Variants in PDZRN3 observed in about 807,000 individuals in gnomAD.
PDZRN3 encodes PDZ domain containing ring finger 3.
Under a neutral mutation model 85.7 loss-of-function variants are expected in PDZRN3, and 38 were observed. The observed-to-expected ratio is 0.44, with a 90% CI of 0.34 to 0.58. The LOEUF (loss-of-function observed/expected upper bound fraction) is 0.58, where lower values mean the gene tolerates loss of function less well. Ranked by LOEUF, PDZRN3 falls within the 20% of genes least tolerant of loss-of-function variation. PDZRN3 has a pLI of 0.01. For synonymous variants in PDZRN3, 759 were observed against 638.0 expected, an observed-to-expected ratio of 1.19 and a Z score of -2.86; for missense variants, 1,629 against 1,506.4, an observed-to-expected ratio of 1.08 and a Z score of -1.35.
intron 3 of PDZRN3, chr3:73,569,426 TCCA>T: frequency 8.7e-7 from 1 of 1,151,504 alleles, no homozygotes; most frequent in African/African-American, 1.6e-5. Context: ...TCCTGTCTCT[TCCA>T]TGTCACGTTC....
chr3:73,429,165 C>T (rs1702380466), intron 3 of PDZRN3, among the ~76,000 whole-genome samples: 1 of 152,160 alleles, frequency 6.6e-6, no homozygotes, highest in Non-Finnish European at 1.5e-5. Flanking sequence ...CCCACCTCAG[C>T]CTCCCAAAGT....
chr3:73,552,261 C>T (rs1479457681), intron 3 of PDZRN3, among the ~76,000 whole-genome samples: 1 of 135,826 alleles, frequency 7.4e-6, no homozygotes, highest in Non-Finnish European at 1.6e-5. Context: ...TGTGTGTGTA[C>T]CCAAACACCT....
chr3:73,534,548 G>A (rs1006867898), intron 3 of PDZRN3, among the ~76,000 whole-genome samples: 2 of 152,140 alleles, frequency 1.3e-5, no homozygotes, highest in Non-Finnish European at 2.9e-5. Flanking sequence ...TGAAATGCTT[G>A]TAGAAAGGAA....
chr3:73,443,383 C>T (rs913413706), intron 3 of PDZRN3, among the ~76,000 whole-genome samples: 9 of 152,048 alleles, frequency 5.9e-5, no homozygotes, highest in Non-Finnish European at 1.2e-4. Flanking sequence ...CTTCCCACTT[C>T]CATATTTGTG....
At chr3:73,597,446 T>C (rs950776873) in intron 3 of PDZRN3, among the ~76,000 whole-genome samples, 1 of 152,182 alleles carries the variant, frequency 6.6e-6, no homozygotes. Context: ...TACAGAAGAT[T>C]GTACGAAATA....
chr3:73,617,504 G>A (rs1015728976), intron 1 of PDZRN3, among the ~76,000 whole-genome samples: 1 of 152,138 alleles, frequency 6.6e-6, no homozygotes, highest in African/African-American at 2.4e-5. Context: ...GGTTAAAGCT[G>A]CTCAGTTTTA....
At chr3:73,389,935 CAGCACTTTCAAAACCATTTCTAA>C (rs1214802946) in intron 6 of PDZRN3, 57 bp from the exon 7 acceptor site, 39 of 1,240,980 alleles carry the variant, frequency 3.1e-5, no homozygotes, top group Non-Finnish European at 1.7e-5. Context: ...AAATAAGCAA[CAGCACTTTCAAAACCATTTCTAA>C]AACACAGTCA....
At chr3:73,545,145 C>A (rs937950198) in intron 3 of PDZRN3, among the ~76,000 whole-genome samples, 3 of 152,178 alleles carry the variant, frequency 2.0e-5, no homozygotes, top group Non-Finnish European at 4.4e-5. Flanking sequence ...GGGTGCCAAG[C>A]GCCTGGCGTC....
chr3:73,596,282 G>A (rs1037680461), intron 3 of PDZRN3, among the ~76,000 whole-genome samples: 33 of 152,056 alleles, frequency 2.2e-4, no homozygotes, highest in African/African-American at 4.1e-4. Context: ...TTCTTATAGC[G>A]GAAAGTCAAC....
chr3:73,617,752 G>C (rs562934755), intron 1 of PDZRN3, among the ~76,000 whole-genome samples: 2 of 152,152 alleles, frequency 1.3e-5, no homozygotes, highest in African/African-American at 4.8e-5. Context: ...CCAGGCTGGA[G>C]TGCACTGGCA....
intron 3 of PDZRN3, among the ~76,000 whole-genome samples, chr3:73,548,114 T>C (rs1701469905): frequency 6.6e-6 from 1 of 152,162 alleles, no homozygotes. Context: ...ATGCTGAACC[T>C]AAATTAAGAC....
chr3:73,396,376 G>T (rs546749396), intron 5 of PDZRN3, among the ~76,000 whole-genome samples: 14 of 152,236 alleles, frequency 9.2e-5, no homozygotes, highest in African/African-American at 3.4e-4. Context: ...CTGGTTTGCA[G>T]GCATAGTACA....
chr3:73,415,584 C>G (rs986536973), intron 3 of PDZRN3, among the ~76,000 whole-genome samples: 50 of 152,136 alleles, frequency 3.3e-4, no homozygotes, highest in African/African-American at 1.2e-3. Flanking sequence ...ACTGCACTTT[C>G]GGTATCCACA....
intron 3 of PDZRN3, among the ~76,000 whole-genome samples, chr3:73,483,815 A>G (rs894157232): frequency 2.0e-5 from 3 of 152,232 alleles, no homozygotes; most frequent in African/African-American, 7.2e-5. Context: ...TGGGTTGGGC[A>G]GAGCCGGCTA....
intron 3 of PDZRN3, among the ~76,000 whole-genome samples, chr3:73,590,140 G>A (rs960333845): frequency 3.0e-5 from 4 of 132,796 alleles, no homozygotes; most frequent in African/African-American, 1.0e-4. Context: ...GTGGTGACGG[G>A]CACCTGTAAT....
intron 3 of PDZRN3, among the ~76,000 whole-genome samples, chr3:73,536,638 G>A (rs915328892): frequency 2.0e-5 from 3 of 152,150 alleles, no homozygotes; most frequent in Non-Finnish European, 2.9e-5. Flanking sequence ...ACCAATATAC[G>A]TAATTTAGAG....
At chr3:73,605,867 T>C (rs768288981) in intron 2 of PDZRN3, among the ~76,000 whole-genome samples, 11 of 152,188 alleles carry the variant, frequency 7.2e-5, no homozygotes, top group Non-Finnish European at 1.6e-4. Context: ...ACCACATAAA[T>C]TGAAAATACT....
At chr3:73,466,333 AAG>A (rs199762307) in intron 3 of PDZRN3, among the ~76,000 whole-genome samples, 2,469 of 143,088 alleles carry the variant, frequency 0.017, 69 homozygotes, top group African/African-American at 0.063. Context: ...AAAAAAAAAA[AAG>A]GGGGGGCCCT....
chr3:73,564,701 A>T (rs947627623), intron 3 of PDZRN3, among the ~76,000 whole-genome samples: 1 of 152,164 alleles, frequency 6.6e-6, no homozygotes, highest in Non-Finnish European at 1.5e-5. Context: ...CCCAATAATT[A>T]GTGGTAAGCC....
Sources: gnomAD v4.1 joint callset for allele counts (sites outside exome capture counted in the v4.1 genomes callset) on GRCh38, gnomAD v4.1.1 for gene constraint, MANE v1.5 for transcripts, NCBI Gene and HGNC (gene_info 2026-07-23, HGNC 2026-07-21) for gene names.